The following ABCA13 variants were observed in gnomAD, a reference collection of about 807,000 sequenced individuals.
ABCA13 encodes ATP binding cassette subfamily A member 13.
In ABCA13, 476 loss-of-function variants were observed where a neutral mutation model predicts 478.7. That is an observed-to-expected ratio of 0.99 (90% CI 0.92 to 1.07). The LOEUF is 1.07. Among genes scored for constraint, ABCA13 ranks in the 50% least tolerant of loss-of-function variants. The pLI is 0.00. For synonymous variants in ABCA13, 2,252 were observed against 2,158.9 expected (o/e 1.04, Z -1.20); for missense variants, 6,060 against 5,910.6 (o/e 1.03, Z -0.83).
intron 48 of ABCA13, 62 bp from the exon 49 acceptor site, chr7:48,506,274 T>C: frequency 6.5e-7 from 1 of 1,540,550 alleles, no homozygotes; most frequent in Non-Finnish European, 9.0e-7. Context: ...AGCCTGTAGA[T>C]GAGCTGCGAT....
chr7:48,615,323 TA>T lies in ABCA13; in HGVS notation c.14785del (p.Met4929TrpfsTer43). On this transcript the variant is annotated frameshift_variant, in exon 59 of 62. Transcript: ENST00000435803. LOFTEE classifies it high-confidence loss of function. ...GAGGCTCTTTGCACAAGACTGGCCA[TA>T]ATGGTTAACGGCAGCTTCAAATGTC... is the stretch of plus-strand genomic sequence containing the variant. ...ECEALCTRLA[I>X]MVNGSFKCLG... 1 of 1,583,310 alleles carries T rather than the reference TA, an allele frequency of 6.3e-7. No individual in the cohort carries two copies. Among genetic ancestry groups the T allele is most frequent in the South Asian group, 1.2e-5 (1 of 86,126 alleles).
At chr7:48,477,592 G>T (rs1347754246) in intron 45 of ABCA13, among the ~76,000 whole-genome samples, 2 of 151,988 alleles carry the variant, frequency 1.3e-5, no homozygotes, top group Admixed American at 1.3e-4. Flanking sequence ...CTTTTGTAGG[G>T]ACATGGATGA....
chr7:48,572,490 AACATT>A (rs1447608643), intron 55 of ABCA13, among the ~76,000 whole-genome samples: 1 of 152,052 alleles, frequency 6.6e-6, no homozygotes, highest in Non-Finnish European at 1.5e-5. Context: ...CAATAATTTT[AACATT>A]TTACTATTTT....
intron 55 of ABCA13, among the ~76,000 whole-genome samples, chr7:48,559,607 T>C (rs567827238): frequency 6.6e-6 from 1 of 152,146 alleles, no homozygotes; most frequent in Non-Finnish European, 1.5e-5. Flanking sequence ...AGAAAGATTA[T>C]TTTATCATAG....
At position 48,350,690 on chromosome 7, in the gene ABCA13, C is replaced by T. The variant is rs373735850; in HGVS notation, c.10252C>T (p.Arg3418Cys). 1.4e-4 allele frequency: 226 copies of T among 1,613,794 alleles called. 2 individuals are homozygous for T. Among genetic ancestry groups the T allele is most frequent in the South Asian group, 9.6e-4 (87 of 91,080 alleles). The change falls in exon 30 of 62, where the codon CGT becomes TGT. Residue 3418 changes from arginine to cysteine, a missense_variant. Transcript: ENST00000435803. ...TAACCATGCAGGCGCTGGACGCTTC[C>T]GTTTCTTGGGCAGCATCTTGGTCAA... is the stretch of plus-strand genomic sequence containing the variant. ...MFNHAGAGRFRFLGSILVNLS... is the reference protein window; with the variant it reads ...MFNHAGAGRFCFLGSILVNLS...
chr7:48,225,268 C>T (rs1199633324), intron 5 of ABCA13, among the ~76,000 whole-genome samples: 1 of 143,200 alleles, frequency 7.0e-6, no homozygotes, highest in East Asian at 2.4e-4. Flanking sequence ...TTTCTTCCCT[C>T]CCTCTCTCCC....
intron 46 of ABCA13, among the ~76,000 whole-genome samples, 159 bp from the exon 47 acceptor site, chr7:48,482,917 G>A (rs1296686308): frequency 2.0e-5 from 3 of 152,230 alleles, no homozygotes; most frequent in Non-Finnish European, 4.4e-5. Flanking sequence ...CATCAGCACA[G>A]CACCTGTCTG....
intron 55 of ABCA13, among the ~76,000 whole-genome samples, chr7:48,542,782 T>G (rs1834025821): frequency 6.6e-6 from 1 of 151,728 alleles, no homozygotes; most frequent in South Asian, 2.1e-4. Context: ...TAATTCCAAT[T>G]GATATTGCAG....
chr7:48,442,355 A>G (rs549896000), intron 42 of ABCA13, among the ~76,000 whole-genome samples: 1 of 152,258 alleles, frequency 6.6e-6, no homozygotes, highest in Admixed American at 6.5e-5. Context: ...AGGTTTAGAG[A>G]TGTTATCTGA....
At chr7:48,632,821 CA>C (rs1214374745) in intron 59 of ABCA13, among the ~76,000 whole-genome samples, 3 of 152,134 alleles carry the variant, frequency 2.0e-5, no homozygotes, top group Non-Finnish European at 4.4e-5. Context: ...ATAGGATTTT[CA>C]AATCGTGTTT....
intron 55 of ABCA13, among the ~76,000 whole-genome samples, chr7:48,537,619 G>C (rs1256317058): frequency 1.3e-5 from 2 of 152,178 alleles, no homozygotes; most frequent in African/African-American, 4.8e-5. Flanking sequence ...ATTTTAAAGA[G>C]AGCAGGGTTA....
chr7:48,511,225 G>A (rs1341808304), intron 51 of ABCA13, 26 bp downstream of exon 51: 7 of 1,570,584 alleles, frequency 4.5e-6, no homozygotes. Flanking sequence ...CGCTGCTGCA[G>A]AATTACGGTT....
intron 1 of ABCA13, among the ~76,000 whole-genome samples, chr7:48,188,210 C>T (rs993580615): frequency 3.3e-5 from 5 of 152,130 alleles, no homozygotes; most frequent in Admixed American, 2.6e-4. Context: ...TCCGTGCTCT[C>T]CTATGAAAAA....
rs1208395791 is a variant in ABCA13, at chr7:48,275,708, C to G, written c.6042C>G (p.Ser2014Arg). The G allele has an allele frequency of 6.2e-7, 1 of 1,600,122 alleles. No homozygotes were observed. Among genetic ancestry groups the G allele is most frequent in the Non-Finnish European group, 8.5e-7 (1 of 1,172,626 alleles). ...RTVQLISEDW[S>R]LEKSTHNLLS... ...TACAATTGATTTCTGAAGACTGGAGCCTAGAAAAAAGTACGCATAATCTAC... is the reference window on the plus strand; with the variant it reads ...TACAATTGATTTCTGAAGACTGGAGGCTAGAAAAAAGTACGCATAATCTAC... The change falls in exon 17 of 62, where the codon AGC (serine) becomes AGG (arginine). Residue 2014 changes from serine to arginine, a missense_variant. Ser to Arg is a moderately radical substitution (Grantham distance 110, BLOSUM62 -1). Around this residue, in one of 3 missense-constraint regions of ABCA13, gnomAD observed 4,423 missense variants for 4,309.1 expected, o/e 1.03. Coordinates refer to ENST00000435803, the MANE Select transcript of ABCA13 (RefSeq NM_152701.5).
At position 48,272,707 on chromosome 7, in the gene ABCA13, T is replaced by C; in HGVS notation, c.3041T>C (p.Leu1014Ser). Residue 1014 changes from leucine to serine, a missense_variant, in exon 17 of 62, where the codon TTA (leucine) becomes TCA (serine). Leu to Ser is a moderately radical substitution (Grantham distance 145). Transcript: ENST00000435803. ...AACATCAGTAAAGCATTTGCATTTT[T>C]ATTTAAGACAGCAGAGGTTCTTGGG... ...FQNISKAFAF[L>S]FKTAEVLGGI... is the part of the protein sequence containing the mutation. 6.2e-7 allele frequency: 1 copy of C among 1,611,884 alleles called. No individual in the cohort carries two copies. The highest frequency in any genetic ancestry group is 8.5e-7 in the Non-Finnish European group (1 of 1,178,656).
intron 15 of ABCA13, among the ~76,000 whole-genome samples, chr7:48,261,002 T>G (rs1185860303): frequency 6.6e-6 from 1 of 151,960 alleles, no homozygotes; most frequent in African/African-American, 2.4e-5. Flanking sequence ...AATGTCTTTT[T>G]TTTTTACTCT....
intron 41 of ABCA13, among the ~76,000 whole-genome samples, chr7:48,414,892 G>C (rs1819765731): frequency 1.3e-5 from 2 of 152,206 alleles, no homozygotes; most frequent in Non-Finnish European, 1.5e-5. Flanking sequence ...CTCACTTACA[G>C]TGGGATTGCA....
At chr7:48,415,289 G>C (rs1196647821) in intron 41 of ABCA13, among the ~76,000 whole-genome samples, 2 of 99,242 alleles carry the variant, frequency 2.0e-5, no homozygotes, top group Non-Finnish European at 4.7e-5. Context: ...TGCCATCCTG[G>C]GTCACTTGGA....
At chr7:48,496,374 C>A (rs1830278806) in intron 48 of ABCA13, among the ~76,000 whole-genome samples, 1 of 151,788 alleles carries the variant, frequency 6.6e-6, no homozygotes, top group African/African-American at 2.4e-5. Flanking sequence ...TACTTTTACC[C>A]TGTTTACCTT....
Sources: gnomAD v4.1 joint callset for allele counts (sites outside exome capture counted in the v4.1 genomes callset) on GRCh38, gnomAD v4.1.1 for gene constraint, gnomAD v4.1.1 regional missense constraint, MANE v1.5 for transcripts, NCBI Gene and HGNC (gene_info 2026-07-23, HGNC 2026-07-21) for gene names.